Variants in MAST4 observed in about 807,000 individuals in gnomAD.
The protein encoded by MAST4 is microtubule associated serine/threonine kinase family member 4.
In MAST4, 89 loss-of-function variants were observed where a neutral mutation model predicts 162.7. The ratio of observed to expected loss-of-function variants is 0.55; its 90% CI spans 0.46 to 0.65. The LOEUF (loss-of-function observed/expected upper bound fraction) is 0.65. Among genes scored for constraint, MAST4 ranks in the 30% least tolerant of loss-of-function variants. MAST4 has a pLI of 0.00. For missense variants in MAST4, 3,153 were observed against 3,374.0 expected, an observed-to-expected ratio of 0.93 and a Z score of 1.62; for synonymous variants, 1,479 against 1,361.1, an observed-to-expected ratio of 1.09 and a Z score of -1.91.
At chr5:66,833,684 A>T (rs1218631584) in intron 3 of MAST4, among the ~76,000 whole-genome samples, 2 of 152,152 alleles carry the variant, frequency 1.3e-5, no homozygotes, top group Non-Finnish European at 2.9e-5. Flanking sequence ...ATTAATGTGA[A>T]TTTTAATTTT....
intron 27 of MAST4, 125 bp from the exon 28 acceptor site, chr5:67,162,482 T>C: frequency 2.6e-6 from 2 of 779,934 alleles, no homozygotes; most frequent in Non-Finnish European, 4.1e-6. Flanking sequence ...TTCTGCTCTT[T>C]AATAGGATCT....
rs771976981 is a variant in MAST4, at chr5:66,759,818, A to G, written c.473A>G (p.Asp158Gly). 3 of 1,613,796 alleles carry G rather than the reference A, an allele frequency of 1.9e-6. No homozygotes were observed. Among genetic ancestry groups the G allele is most frequent in the Non-Finnish European group, 2.5e-6 (3 of 1,179,874 alleles). ...AAGTATAAAAGACAGCTGAGTGAGG[A>G]TGGAAGACAGCTAAGGCGAGGGAGC... The part of the protein sequence containing the change: ...SLKYKRQLSE[D>G]GRQLRRGSLG... The change falls in exon 2 of 29, where the codon GAT (aspartate) becomes GGT (glycine). Residue 158 changes from aspartate to glycine, a missense_variant. Asp to Gly is a moderately conservative substitution (Grantham distance 94). This residue lies in a region of MAST4 where 327 missense variants were observed against 336.5 expected (regional missense o/e 0.97). Coordinates refer to ENST00000403625, the MANE Select transcript of MAST4 (RefSeq NM_001164664.2).
At chr5:66,823,295 C>T (rs547497362) in intron 3 of MAST4, among the ~76,000 whole-genome samples, 2 of 152,170 alleles carry the variant, frequency 1.3e-5, no homozygotes, top group East Asian at 3.9e-4. Flanking sequence ...TGGACTAATA[C>T]ACTACTTCTA....
At chr5:67,021,260 A>G (rs1693901142) in intron 4 of MAST4, among the ~76,000 whole-genome samples, 1 of 152,168 alleles carries the variant, frequency 6.6e-6, no homozygotes, top group South Asian at 2.1e-4. Flanking sequence ...ACACCCTGAT[A>G]TGTATCATGT....
At chr5:66,955,553 A>T (rs139348383) in intron 4 of MAST4, among the ~76,000 whole-genome samples, 338 of 152,072 alleles carry the variant, frequency 2.2e-3, no homozygotes, top group African/African-American at 7.7e-3. Context: ...AGTATAATGA[A>T]CCCCTTATTT....
chr5:66,825,353 A>G (rs1435193924), intron 3 of MAST4, among the ~76,000 whole-genome samples: 1 of 150,688 alleles, frequency 6.6e-6, no homozygotes, highest in East Asian at 2.0e-4. Flanking sequence ...TCAAGGTGTC[A>G]TTAGGCAAAA....
At chr5:66,616,661 TC>T (rs1743709685) in intron 1 of MAST4, among the ~76,000 whole-genome samples, 1 of 152,208 alleles carries the variant, frequency 6.6e-6, no homozygotes, top group South Asian at 2.1e-4. Flanking sequence ...TTTTGCTTTC[TC>T]AAGCTCCTGA....
At chr5:66,707,333 G>A (rs535308991) in intron 1 of MAST4, among the ~76,000 whole-genome samples, 1 of 152,196 alleles carries the variant, frequency 6.6e-6, no homozygotes, top group Non-Finnish European at 1.5e-5. Flanking sequence ...TAGAGCCACA[G>A]CTGTGTGTTC....
intron 14 of MAST4, among the ~76,000 whole-genome samples, chr5:67,121,959 C>T (rs1767647853): frequency 1.3e-5 from 2 of 151,920 alleles, no homozygotes; most frequent in African/African-American, 4.8e-5. Context: ...CCTTTAACTC[C>T]TACACCAGGA....
chr5:67,166,028 C>G lies in MAST4; in HGVS notation c.6849C>G (p.Asp2283Glu). The G allele has an allele frequency of 1.2e-6, 2 of 1,613,402 alleles. No homozygotes were observed. The highest frequency in any genetic ancestry group is 1.7e-6 in the Non-Finnish European group (2 of 1,179,800). ...TGCACACTGACAGGGCTCCTCTAGA[C>G]GCCAAGCCACAACCCACCAGTGGTG... is the stretch of plus-strand genomic sequence containing the variant. The part of the protein sequence containing the change: ...VPLHTDRAPL[D>E]AKPQPTSGGR... Residue 2283 changes from aspartate to glutamate, a missense_variant, in exon 29 of 29, where the codon GAC becomes GAG. Asp to Glu is a conservative substitution (Grantham distance 45). Transcript: ENST00000403625.
At chr5:67,161,015 T>C (rs1054566814) in intron 27 of MAST4, among the ~76,000 whole-genome samples, 2 of 152,230 alleles carry the variant, frequency 1.3e-5, no homozygotes, top group African/African-American at 4.8e-5. Context: ...CTGTTACCTT[T>C]AAAGGTTCCG....
intron 7 of MAST4, among the ~76,000 whole-genome samples, chr5:67,098,474 A>G (rs1171867691): frequency 2.0e-5 from 3 of 152,156 alleles, no homozygotes; most frequent in Non-Finnish European, 4.4e-5. Context: ...TACCAGATAA[A>G]TTATTTTCTG....
At chr5:66,941,537 G>A (rs1743370187) in intron 4 of MAST4, among the ~76,000 whole-genome samples, 1 of 152,104 alleles carries the variant, frequency 6.6e-6, no homozygotes, top group Non-Finnish European at 1.5e-5. Flanking sequence ...TTAAGGAAAT[G>A]TTGTGGCTGA....
At chr5:66,912,258 C>T (rs917154001) in intron 4 of MAST4, among the ~76,000 whole-genome samples, 2 of 152,086 alleles carry the variant, frequency 1.3e-5, no homozygotes, top group African/African-American at 4.8e-5. Context: ...TCCTTTTGGC[C>T]TCTCTCCCTA....
chr5:66,909,973 A>G (rs1272748842), intron 4 of MAST4, among the ~76,000 whole-genome samples: 4 of 152,354 alleles, frequency 2.6e-5, no homozygotes, highest in East Asian at 3.9e-4. Context: ...CTCTCGAGCC[A>G]TGTGGACCTA....
At chr5:66,765,102 A>AG (rs1754031039) in intron 2 of MAST4, among the ~76,000 whole-genome samples, 1 of 152,212 alleles carries the variant, frequency 6.6e-6, no homozygotes. Context: ...TTTGTAGCCT[A>AG]GGAGTAATAG....
intron 1 of MAST4, among the ~76,000 whole-genome samples, chr5:66,614,938 T>C (rs1023094669): frequency 6.6e-6 from 1 of 152,146 alleles, no homozygotes; most frequent in Non-Finnish European, 1.5e-5. Flanking sequence ...AAAATAATCT[T>C]TTTTGGGCTG....
At chr5:66,754,707 A>G (rs868018405) in intron 1 of MAST4, among the ~76,000 whole-genome samples, 2 of 152,176 alleles carry the variant, frequency 1.3e-5, no homozygotes, top group African/African-American at 4.8e-5. Flanking sequence ...TAATTTTAGC[A>G]GGGGGAGAAG....
intron 4 of MAST4, among the ~76,000 whole-genome samples, chr5:67,049,008 C>CACACATATATATATACGTATAT (rs1362965159): frequency 1.3e-4 from 14 of 104,514 alleles, no homozygotes; most frequent in Admixed American, 4.0e-4. Context: ...TATACACACA[C>CACACATATATATATACGTATAT]ATATATATAT....
Sources: allele counts gnomAD v4.1 joint callset (sites outside exome capture counted in the v4.1 genomes callset), GRCh38; gene constraint gnomAD v4.1.1; regional missense constraint gnomAD v4.1.1; transcripts MANE v1.5; gene names NCBI Gene and HGNC (gene_info 2026-07-23, HGNC 2026-07-21).